SEMA4B: variants seen among roughly 807,000 people sequenced by gnomAD.
The protein encoded by SEMA4B is semaphorin 4B, also known as semaphorin-4B.
In SEMA4B, 55 loss-of-function variants were observed where a neutral mutation model predicts 88.1. The observed-to-expected ratio is 0.62, with a 90% CI of 0.50 to 0.78. The LOEUF is 0.78. Ranked by LOEUF, SEMA4B falls within the 30% of genes least tolerant of loss-of-function variation. The probability of loss-of-function intolerance (pLI) is 0.00; values close to 1 mark genes in which losing one functional copy is unlikely to be tolerated. For synonymous variants in SEMA4B, 525 were observed against 473.6 expected (o/e 1.11, Z -1.41); for missense variants, 1,062 against 1,111.9 (o/e 0.96, Z 0.64).
chr15:90,217,645 C>A, intron 2 of SEMA4B, 43 bp downstream of exon 2: 5 of 1,609,090 alleles, frequency 3.1e-6, no homozygotes, highest in Non-Finnish European at 4.3e-6. Flanking sequence ...GGCAGAGGAC[C>A]ACAGAGGGAA....
At chr15:90,202,212 C>G (rs1181096192) in intron 1 of SEMA4B, among the ~76,000 whole-genome samples, 1 of 152,262 alleles carries the variant, frequency 6.6e-6, no homozygotes, top group African/African-American at 2.4e-5. Context: ...CCTCTCCGCC[C>G]CTCCATCCCT....
intron 1 of SEMA4B, among the ~76,000 whole-genome samples, chr15:90,206,145 G>A (rs533114954): frequency 9.8e-5 from 15 of 152,290 alleles, no homozygotes; most frequent in African/African-American, 3.1e-4. Context: ...GGCTAGACTC[G>A]GGTCATGTCA....
chr15:90,223,457 G>T, intron 7 of SEMA4B, 102 bp from the exon 8 acceptor site: 1 of 1,076,048 alleles, frequency 9.3e-7, no homozygotes. Flanking sequence ...CTGCCCTTCA[G>T]TCCTGGTGTC....
chr15:90,207,027 T>C (rs1419507692), intron 1 of SEMA4B: 3 of 402,052 alleles, frequency 7.5e-6, no homozygotes, highest in Admixed American at 3.7e-5. Flanking sequence ...AGCGGCTCTA[T>C]ACTTATTAGC....
At chr15:90,201,783 C>T in intron 1 of SEMA4B, 48 bp downstream of exon 1, 1 of 1,372,630 alleles carries the variant, frequency 7.3e-7, no homozygotes, top group South Asian at 1.6e-5. Flanking sequence ...GGAAGGCTGC[C>T]GGGGACGTGC....
chr15:90,190,561 G>T (rs186232813), intron 1 of SEMA4B: 18 of 152,438 alleles, frequency 1.2e-4, no homozygotes, highest in African/African-American at 3.9e-4. Context: ...TGGGCCTTTG[G>T]GAAGGAAGGT....
At chr15:90,187,517 AAGTG>A (rs1383994138) in intron 1 of SEMA4B, among the ~76,000 whole-genome samples, 1 of 152,200 alleles carries the variant, frequency 6.6e-6, no homozygotes, top group African/African-American at 2.4e-5. Context: ...TGTGATGTGT[AAGTG>A]AGTATTTCAC....
chr15:90,203,568 G>A (rs1421186137), intron 1 of SEMA4B, among the ~76,000 whole-genome samples: 1 of 152,178 alleles, frequency 6.6e-6, no homozygotes, highest in Non-Finnish European at 1.5e-5. Context: ...GCTTCCCGAG[G>A]AGCAGCTAGA....
intron 5 of SEMA4B, 74 bp downstream of exon 5, chr15:90,221,167 A>ACT: frequency 8.4e-7 from 1 of 1,197,590 alleles, no homozygotes; most frequent in Non-Finnish European, 1.2e-6. Flanking sequence ...CTAGCTTTGG[A>ACT]CAGGCTGAGT....
chr15:90,185,153 C>A, intron 1 of SEMA4B: 1 of 831,084 alleles, frequency 1.2e-6, no homozygotes, highest in Non-Finnish European at 1.5e-6. Context: ...AAAACCGCCG[C>A]GCAGCCGCTG....
chr15:90,217,958 A>T, intron 3 of SEMA4B, 129 bp downstream of exon 3: 1 of 736,876 alleles, frequency 1.4e-6, no homozygotes, highest in Non-Finnish European at 2.3e-6. Context: ...AGCTTCTGAG[A>T]TTACCCGGCC....
intron 9 of SEMA4B, among the ~76,000 whole-genome samples, chr15:90,224,243 C>G (rs757769941): frequency 1.3e-5 from 2 of 152,224 alleles, no homozygotes; most frequent in South Asian, 2.1e-4. Context: ...CAGGCTGTTA[C>G]AATCATCTCT....
chr15:90,189,122 G>T (rs189183450), intron 1 of SEMA4B, among the ~76,000 whole-genome samples: 5 of 152,016 alleles, frequency 3.3e-5, no homozygotes, highest in Admixed American at 2.0e-4. Context: ...AGAAGGAAGT[G>T]GGGGGGAGGA....
At chr15:90,219,721 G>C (rs1330892015) in intron 3 of SEMA4B, 72 bp from the exon 4 acceptor site, 13 of 1,207,654 alleles carry the variant, frequency 1.1e-5, no homozygotes, top group Middle Eastern at 2.1e-4. Flanking sequence ...GGTGTGGAAG[G>C]GGGGGCTCGG....
chr15:90,227,404 A>G, intron 12 of SEMA4B, 153 bp from the exon 13 acceptor site: 1 of 621,672 alleles, frequency 1.6e-6, no homozygotes, highest in Non-Finnish European at 2.8e-6. Context: ...CTTTGACTTG[A>G]AATAATGTGT....
chr15:90,215,099 G>A, intron 1 of SEMA4B: 1 of 628,536 alleles, frequency 1.6e-6, no homozygotes, highest in Non-Finnish European at 2.1e-6. Context: ...TGGTCAGGGT[G>A]CTGCTCTTTG....
At position 90,228,363 on chromosome 15, in the gene SEMA4B, A is replaced by T. The variant is rs752819467; in HGVS notation, c.2234A>T (p.Lys745Ile). 6.2e-7 allele frequency: 1 copy of T among 1,601,622 alleles called. No homozygotes were observed. The highest frequency in any genetic ancestry group is 8.5e-7 in the Non-Finnish European group (1 of 1,173,434). Residue 745 changes from lysine (K) to isoleucine (I), a missense_variant, in exon 14 of 14, where the codon AAA (lysine) becomes ATA (isoleucine). Physicochemically the swap from Lys to Ile is moderately radical, Grantham distance 102 (BLOSUM62 -3). Coordinates refer to ENST00000411539, the MANE Select transcript of SEMA4B (RefSeq NM_198925.4). ...FLLYRHRNSM[K>I]VFLKQGECAS... Reference sequence around the variant, plus strand: ...CTCTACCGGCACCGGAACAGCATGAAAGTCTTCCTGAAGCAGGGGGAATGT... The same window carrying T: ...CTCTACCGGCACCGGAACAGCATGATAGTCTTCCTGAAGCAGGGGGAATGT...
chr15:90,203,997 C>T (rs1960870343), intron 1 of SEMA4B, among the ~76,000 whole-genome samples: 1 of 142,740 alleles, frequency 7.0e-6, no homozygotes, highest in African/African-American at 2.6e-5. Flanking sequence ...ACCTCCTACT[C>T]TTACCTACGT....
At chr15:90,225,624 C>A in intron 11 of SEMA4B, 37 bp from the exon 12 acceptor site, 1 of 1,547,064 alleles carries the variant, frequency 6.5e-7, no homozygotes, top group Admixed American at 2.0e-5. Flanking sequence ...CCCTGGCTGC[C>A]CATGCCCGCT....
Sources: allele counts gnomAD v4.1 joint callset (sites outside exome capture counted in the v4.1 genomes callset), GRCh38; gene constraint gnomAD v4.1.1; transcripts MANE v1.5; gene names NCBI Gene and HGNC (gene_info 2026-07-23, HGNC 2026-07-21).